Variants in SCFD2 observed in about 807,000 individuals in gnomAD.
The protein encoded by SCFD2 is sec1 family domain-containing protein 2.
Under a neutral mutation model 58.9 loss-of-function variants are expected in SCFD2, and 54 were observed. The ratio of observed to expected loss-of-function variants is 0.92; its 90% CI spans 0.74 to 1.15. The LOEUF (loss-of-function observed/expected upper bound fraction) is 1.15. SCFD2 is among the 50% of genes most tolerant of loss of function. The pLI is 0.00. For missense variants in SCFD2, 805 were observed against 836.6 expected, an observed-to-expected ratio of 0.96 and a Z score of 0.47; for synonymous variants, 321 against 335.9, an observed-to-expected ratio of 0.96 and a Z score of 0.49.
At chr4:52,970,087 T>G (rs1010600898) in intron 5 of SCFD2, among the ~76,000 whole-genome samples, 8 of 152,120 alleles carry the variant, frequency 5.3e-5, no homozygotes, top group Non-Finnish European at 1.2e-4. Flanking sequence ...GCTCCCAGCG[T>G]GAGCGACACA....
chr4:53,015,131 T>G (rs1722181117), intron 5 of SCFD2, among the ~76,000 whole-genome samples: 2 of 152,314 alleles, frequency 1.3e-5, no homozygotes, highest in South Asian at 4.1e-4. Context: ...GTCTGCTATT[T>G]GCTACATCAG....
intron 5 of SCFD2, chr4:52,948,861 G>A (rs867446270): frequency 1.6e-5 from 3 of 182,280 alleles, no homozygotes; most frequent in East Asian, 1.6e-4. Flanking sequence ...CCCACATCCC[G>A]CCTTCTATTT....
At chr4:53,103,034 A>C (rs189124649) in intron 5 of SCFD2, among the ~76,000 whole-genome samples, 246 of 152,270 alleles carry the variant, frequency 1.6e-3, no homozygotes, top group African/African-American at 5.6e-3. Flanking sequence ...TGGAATTGAA[A>C]ATCACCCTTT....
intron 5 of SCFD2, among the ~76,000 whole-genome samples, chr4:53,111,973 T>C (rs1010666137): frequency 6.6e-6 from 1 of 152,048 alleles, no homozygotes; most frequent in Admixed American, 6.6e-5. Flanking sequence ...GGAGCAGGAA[T>C]TAGTCAAAGA....
intron 2 of SCFD2, among the ~76,000 whole-genome samples, chr4:53,342,684 C>A (rs527985553): frequency 7.9e-5 from 12 of 152,278 alleles, no homozygotes; most frequent in African/African-American, 2.6e-4. Context: ...TGCACTTATT[C>A]CAAAATTGAC....
intron 5 of SCFD2, among the ~76,000 whole-genome samples, chr4:53,100,528 A>T (rs1724803733): frequency 6.6e-6 from 1 of 152,210 alleles, no homozygotes; most frequent in African/African-American, 2.4e-5. Flanking sequence ...GCAAAATTAC[A>T]TTACCTTTGT....
At chr4:52,929,031 G>C (rs1719927782) in intron 5 of SCFD2, among the ~76,000 whole-genome samples, 2 of 152,162 alleles carry the variant, frequency 1.3e-5, no homozygotes, top group Non-Finnish European at 2.9e-5. Context: ...ATGGGTAAGT[G>C]GATAAACTTC....
chr4:52,993,914 G>A (rs751240826), intron 5 of SCFD2, among the ~76,000 whole-genome samples: 4 of 152,258 alleles, frequency 2.6e-5, no homozygotes, highest in African/African-American at 4.8e-5. Context: ...GACTGGGGGC[G>A]TGTACTGCAG....
intron 5 of SCFD2, among the ~76,000 whole-genome samples, chr4:52,934,998 C>T (rs1331756614): frequency 6.6e-6 from 1 of 152,176 alleles, no homozygotes; most frequent in African/African-American, 2.4e-5. Context: ...GGCCACTGAG[C>T]ACTTGAAATG....
intron 3 of SCFD2, among the ~76,000 whole-genome samples, chr4:53,289,201 CT>C (rs1309687648): frequency 6.6e-6 from 1 of 151,924 alleles, no homozygotes; most frequent in East Asian, 1.9e-4. Flanking sequence ...CCTGTATCTA[CT>C]AAAAACACAA....
intron 3 of SCFD2, among the ~76,000 whole-genome samples, chr4:53,304,748 C>G (rs1473030568): frequency 6.6e-6 from 1 of 151,976 alleles, no homozygotes; most frequent in Non-Finnish European, 1.5e-5. Flanking sequence ...AGGTTCTTAG[C>G]TTTCTTGCAT....
At chr4:52,912,481 G>C (rs1461731605) in intron 6 of SCFD2, among the ~76,000 whole-genome samples, 4 of 151,912 alleles carry the variant, frequency 2.6e-5, no homozygotes, top group Non-Finnish European at 5.9e-5. Context: ...TCATAGAGAA[G>C]TTGATAGGTT....
At chr4:53,234,719 T>C (rs1250523321) in intron 4 of SCFD2, among the ~76,000 whole-genome samples, 3 of 152,238 alleles carry the variant, frequency 2.0e-5, no homozygotes, top group Non-Finnish European at 4.4e-5. Context: ...AGCATCAAGA[T>C]AATTCATTAT....
At chr4:53,178,094 C>T (rs1473512768) in intron 4 of SCFD2, among the ~76,000 whole-genome samples, 1 of 152,208 alleles carries the variant, frequency 6.6e-6, no homozygotes, top group Admixed American at 6.5e-5. Flanking sequence ...AGGGCACAGA[C>T]AAATGTAAAG....
At chr4:53,271,291 TACACACATACA>T (rs1393754586) in intron 4 of SCFD2, among the ~76,000 whole-genome samples, 1 of 150,138 alleles carries the variant, frequency 6.7e-6, no homozygotes, top group African/African-American at 2.5e-5. Context: ...CTCACATACA[TACACACATACA>T]ACACACACAC....
intron 4 of SCFD2, among the ~76,000 whole-genome samples, chr4:53,212,699 A>T (rs1409321784): frequency 6.6e-6 from 1 of 151,770 alleles, no homozygotes; most frequent in Admixed American, 6.6e-5. Flanking sequence ...AACTGTTCAT[A>T]TTATGAATAA....
intron 5 of SCFD2, among the ~76,000 whole-genome samples, chr4:52,991,863 C>G (rs1187117332): frequency 1.3e-5 from 2 of 152,102 alleles, no homozygotes; most frequent in Admixed American, 1.3e-4. Context: ...CCAAAGTGAT[C>G]TTGAATCCTT....
At position 52,918,546 on chromosome 4, in the gene SCFD2, T is replaced by C. The variant is rs1719660877; in HGVS notation, c.1707+2179A>G. On this transcript the variant is annotated intron_variant, in intron 6 of 8. Transcript: ENST00000401642. ...TTACCCATAATCCCATTAAAAAGTG[T>C]CACATGTATAGAATATGTAAAAATA... Among the ~76,000 whole-genome samples the C allele has an allele frequency of 2.0e-5, 3 of 152,150 alleles. No individual in the cohort carries two copies. In the South Asian group the frequency reaches 6.2e-4, roughly 32 times the overall value.
intron 4 of SCFD2, among the ~76,000 whole-genome samples, chr4:53,272,019 C>T (rs1025307762): frequency 2.6e-5 from 4 of 152,034 alleles, no homozygotes; most frequent in Admixed American, 6.6e-5. Flanking sequence ...AAAAAACAAA[C>T]AACCTCATCA....
Sources: gnomAD v4.1 joint callset for allele counts (sites outside exome capture counted in the v4.1 genomes callset) on GRCh38, gnomAD v4.1.1 for gene constraint, MANE v1.5 for transcripts, NCBI Gene and HGNC (gene_info 2026-07-23, HGNC 2026-07-21) for gene names.